The following NKAIN3 variants were observed in gnomAD, a reference collection of about 807,000 sequenced individuals.
The protein encoded by NKAIN3 is sodium/potassium-transporting ATPase subunit beta-1-interacting protein 3.
NKAIN3 carries 25 observed loss-of-function variants against 30.2 expected under a neutral mutation model. That is an observed-to-expected ratio of 0.83 (90% confidence interval 0.60 to 1.16). NKAIN3 has a LOEUF of 1.16. Ranked by LOEUF, NKAIN3 falls within the 50% of genes most tolerant of loss-of-function variation. NKAIN3 has a pLI of 0.00. For synonymous variants in NKAIN3, 91 were observed against 89.6 expected, an observed-to-expected ratio of 1.02 and a Z score of -0.09; for missense variants, 225 against 254.1, an observed-to-expected ratio of 0.89 and a Z score of 0.78.
At chr8:62,295,953 T>A (rs1813814218) in intron 1 of NKAIN3, among the ~76,000 whole-genome samples, 1 of 152,226 alleles carries the variant, frequency 6.6e-6, no homozygotes, top group Non-Finnish European at 1.5e-5. Flanking sequence ...GTAAATGTTC[T>A]GCTTTAGCCA....
chr8:62,501,792 G>A (rs1452641015), intron 1 of NKAIN3, among the ~76,000 whole-genome samples: 3 of 152,118 alleles, frequency 2.0e-5, no homozygotes, highest in African/African-American at 4.8e-5. Context: ...CTGTGTATAA[G>A]TATTCAAATC....
chr8:62,656,788 T>C (rs915363856), intron 3 of NKAIN3, among the ~76,000 whole-genome samples: 19 of 152,152 alleles, frequency 1.2e-4, no homozygotes, highest in African/African-American at 4.6e-4. Flanking sequence ...GCCCCACCAA[T>C]TATTTTCTTA....
chr8:62,559,523 G>A (rs1809503661), intron 1 of NKAIN3, among the ~76,000 whole-genome samples: 2 of 151,608 alleles, frequency 1.3e-5, no homozygotes, highest in Non-Finnish European at 1.5e-5. Flanking sequence ...TAGGTTACTT[G>A]GACATTTTTT....
At chr8:62,863,102 C>G in intron 4 of NKAIN3, 2 of 1,278,014 alleles carry the variant, frequency 1.6e-6, no homozygotes, top group African/African-American at 1.5e-5. Flanking sequence ...AAAGGGTATT[C>G]CCCATCCTGC....
At chr8:62,424,715 G>T (rs1351282698) in intron 1 of NKAIN3, among the ~76,000 whole-genome samples, 1 of 151,784 alleles carries the variant, frequency 6.6e-6, no homozygotes, top group African/African-American at 2.4e-5. Context: ...AAGTAATGTA[G>T]CCACTAGTAA....
intron 3 of NKAIN3, among the ~76,000 whole-genome samples, chr8:62,741,589 C>G (rs529825765): frequency 6.6e-6 from 1 of 152,294 alleles, no homozygotes; most frequent in Non-Finnish European, 1.5e-5. Flanking sequence ...TAAACTAACC[C>G]TTATCTTCCT....
chr8:62,864,342 T>C (rs2130792178), intron 4 of NKAIN3, among the ~76,000 whole-genome samples: 1 of 151,276 alleles, frequency 6.6e-6, no homozygotes, highest in Middle Eastern at 3.4e-3. Context: ...AAGAAGATGA[T>C]GTAGATCAGG....
chr8:62,805,068 A>C (rs958044721), intron 4 of NKAIN3, among the ~76,000 whole-genome samples: 1 of 151,882 alleles, frequency 6.6e-6, no homozygotes, highest in African/African-American at 2.4e-5. Flanking sequence ...CAAAGAGAAT[A>C]AAATACCTAG....
intron 1 of NKAIN3, among the ~76,000 whole-genome samples, chr8:62,287,908 T>C (rs2351650): frequency 0.027 from 4,135 of 152,272 alleles, 173 homozygotes; most frequent in African/African-American, 0.092. Context: ...TCTAATCACA[T>C]TGACTTGCTT....
chr8:62,868,055 A>C (rs1485286269), intron 4 of NKAIN3, among the ~76,000 whole-genome samples: 1 of 152,214 alleles, frequency 6.6e-6, no homozygotes, highest in African/African-American at 2.4e-5. Flanking sequence ...TTTTGCAAAG[A>C]GTGTACTGGA....
At position 62,316,838 on chromosome 8, in the gene NKAIN3, C is replaced by A. The variant is rs530154337; in HGVS notation, c.54+67711C>A. ...CAAATGGTATTTCTAGTTCTAGATC[C>A]TGAGGAATCGCCACACTAACTTCCA... is the stretch of plus-strand genomic sequence containing the variant. On this transcript the variant is annotated intron_variant, in intron 1 of 6. Transcript: ENST00000623646. Among the ~76,000 whole-genome samples the A allele has an allele frequency of 9.7e-4, 148 of 152,210 alleles. 3 individuals carry two copies. The East Asian group carries it at 0.026, about 27-fold the overall frequency.
At chr8:62,708,604 G>T (rs907829684) in intron 3 of NKAIN3, among the ~76,000 whole-genome samples, 2 of 152,148 alleles carry the variant, frequency 1.3e-5, no homozygotes, top group African/African-American at 2.4e-5. Flanking sequence ...TCTTTTATCA[G>T]TTCTAGGAGC....
At chr8:62,624,224 T>C (rs1259197110) in intron 3 of NKAIN3, among the ~76,000 whole-genome samples, 2 of 152,102 alleles carry the variant, frequency 1.3e-5, no homozygotes, top group Non-Finnish European at 2.9e-5. Flanking sequence ...CTTTGTGACC[T>C]GTGTCTTGTG....
At chr8:62,537,409 A>G (rs1369853663) in intron 1 of NKAIN3, among the ~76,000 whole-genome samples, 5 of 152,134 alleles carry the variant, frequency 3.3e-5, no homozygotes, top group African/African-American at 1.2e-4. Context: ...TTCTTTCTTC[A>G]TGGGGGCTGG....
chr8:62,890,901 T>A (rs1200412866), intron 4 of NKAIN3, among the ~76,000 whole-genome samples: 1 of 152,244 alleles, frequency 6.6e-6, no homozygotes, highest in Non-Finnish European at 1.5e-5. Flanking sequence ...GATTGTTAAA[T>A]GGCTTTGTCC....
intron 4 of NKAIN3, among the ~76,000 whole-genome samples, chr8:62,788,525 G>T (rs1223460414): frequency 6.6e-6 from 1 of 152,144 alleles, no homozygotes; most frequent in Non-Finnish European, 1.5e-5. Context: ...CTGTGCAGAG[G>T]CCGTTTAGTT....
Position 62,802,593 on chromosome 8 carries a change from C to A in NKAIN3, c.471+55464C>A, listed in dbSNP as rs186742421. 9.7e-3 allele frequency among the ~76,000 whole-genome samples: 1,475 copies of A among 152,158 alleles called. 22 individuals are homozygous for A. Among genetic ancestry groups the A allele is most frequent in the African/African-American group, 0.034 (1,396 of 41,506 alleles). On this transcript the variant is annotated intron_variant, in intron 4 of 6. Transcript: ENST00000623646. The stretch of plus-strand genomic sequence containing the variant: ...AGATTTTGTCACCACCAGGCCTGCC[C>A]TAAAAGAGCTCCTGAAAGAAGCACT...
chr8:62,467,342 G>A (rs1806192655), intron 1 of NKAIN3, among the ~76,000 whole-genome samples: 1 of 152,140 alleles, frequency 6.6e-6, no homozygotes, highest in South Asian at 2.1e-4. Flanking sequence ...TAAGAATTTT[G>A]TGGCAATGAA....
In NKAIN3 at chr8:62,870,257, T is replaced by A. The variant is rs867383210; in HGVS notation, c.472-48196T>A. Among the ~76,000 whole-genome samples, 5 of 85,006 alleles carry A rather than the reference T, an allele frequency of 5.9e-5. 1 individual carries two copies. Among genetic ancestry groups the A allele is most frequent in the Admixed American group, 1.2e-4 (1 of 8,646 alleles). The allele number at this position is 85,006 out of a possible 152,430, so 55.8% of individuals were successfully genotyped here. On this transcript the variant is annotated intron_variant, in intron 4 of 6. Transcript: ENST00000623646. ...ATAGATATCTATAGATATCTATATA[T>A]ATATCTATATATAGATATATATAAA...
Sources: allele counts gnomAD v4.1 joint callset (sites outside exome capture counted in the v4.1 genomes callset), GRCh38; gene constraint gnomAD v4.1.1; transcripts MANE v1.5; gene names NCBI Gene and HGNC (gene_info 2026-07-23, HGNC 2026-07-21).